The following CFAP69 variants were observed in gnomAD, a reference collection of about 807,000 sequenced individuals.
CFAP69 encodes the protein cilia and flagella associated protein 69.
Under a neutral mutation model 123.0 loss-of-function variants are expected in CFAP69, and 92 were observed. The ratio of observed to expected loss-of-function variants is 0.75; its 90% CI spans 0.63 to 0.89. CFAP69 has a LOEUF of 0.89. Among genes scored for constraint, CFAP69 ranks in the 40% least tolerant of loss-of-function variants. The probability of loss-of-function intolerance (pLI) is 0.00; values close to 1 mark genes in which losing one functional copy is unlikely to be tolerated. For missense variants in CFAP69, 1,067 were observed against 1,096.9 expected (o/e 0.97, Z 0.39); for synonymous variants, 380 against 364.3 (o/e 1.04, Z -0.49).
chr7:90,264,589 A>T (rs557972616), intron 4 of CFAP69, among the ~76,000 whole-genome samples: 1 of 152,266 alleles, frequency 6.6e-6, no homozygotes, highest in Non-Finnish European at 1.5e-5. Flanking sequence ...TTTGTTCCAG[A>T]TTATCCAATG....
chr7:90,288,404 T>C, intron 15 of CFAP69, 52 bp downstream of exon 15: 1 of 1,560,598 alleles, frequency 6.4e-7, no homozygotes, highest in South Asian at 1.2e-5. Flanking sequence ...CATGCATCAC[T>C]TTACAACAGT....
chr7:90,300,029 G>A lies in CFAP69; in HGVS notation c.2020G>A (p.Val674Ile), dbSNP rs1792553207. 1.3e-6 allele frequency: 2 copies of A among 1,598,872 alleles called. No individual in the cohort carries two copies. The highest frequency in any genetic ancestry group is 1.7e-6 in the Non-Finnish European group (2 of 1,173,832). ...GAGAAAGGAGGAAAAAGAACTAGGA[G>A]TAAAACGTGATAAAAATGGGAAGAT... ...LWRKEEKELGVKRDKNGKIID... is the reference protein window; with the variant it reads ...LWRKEEKELGIKRDKNGKIID... Residue 674 changes from valine to isoleucine, a missense_variant, in exon 17 of 23, where the codon GTA becomes ATA. Physicochemically the swap from Val to Ile is conservative, Grantham distance 29. Transcript: ENST00000389297.
At chr7:90,306,119 G>A (rs1019846103) in intron 19 of CFAP69, among the ~76,000 whole-genome samples, 2 of 150,522 alleles carry the variant, frequency 1.3e-5, no homozygotes, top group Non-Finnish European at 3.0e-5. Context: ...TTTATTGGGG[G>A]GGGGCGGGGC....
intron 3 of CFAP69, among the ~76,000 whole-genome samples, chr7:90,258,616 T>A (rs1797935698): frequency 6.6e-6 from 1 of 152,114 alleles, no homozygotes; most frequent in Admixed American, 6.5e-5. Context: ...AAATTCCTAA[T>A]CATATGTGAA....
rs1255463200 is a variant in CFAP69 at position 90,306,947 on chromosome 7, A to T, written c.2312A>T (p.Lys771Ile). ...ATATATGAAGAAATAAAATTAGAAA[A>T]ATTAAGACCAGTCACTACAGATAAA... is the stretch of plus-strand genomic sequence containing the variant. Reference protein sequence around the residue: ...NEIYEEIKLEKLRPVTTDKKA... With the variant: ...NEIYEEIKLEILRPVTTDKKA... The change falls in exon 20 of 23, where the codon AAA becomes ATA. Residue 771 changes from lysine to isoleucine, a missense_variant. Lys to Ile is a moderately radical substitution (Grantham distance 102). Transcript: ENST00000389297. The T allele has an allele frequency of 6.4e-7, 1 of 1,570,980 alleles. No individual in the cohort carries two copies. The highest frequency in any genetic ancestry group is 1.7e-5 in the Admixed American group (1 of 57,200).
At chr7:90,311,994 A>G (rs1434185670), downstream of CFAP69, among the ~76,000 whole-genome samples, 1 of 152,220 alleles carries the variant, frequency 6.6e-6, no homozygotes, top group Admixed American at 6.5e-5. Context: ...TCTTAGGTAC[A>G]CTTGAATTGA....
intron 8 of CFAP69, among the ~76,000 whole-genome samples, chr7:90,273,310 A>G (rs2116938456): frequency 6.6e-6 from 1 of 152,342 alleles, no homozygotes; most frequent in South Asian, 2.1e-4. Context: ...CAATGTTATC[A>G]GGGACCATAA....
chr7:90,304,278 A>T, intron 18 of CFAP69, 172 bp downstream of exon 18: 1 of 1,343,894 alleles, frequency 7.4e-7, no homozygotes, highest in Non-Finnish European at 9.5e-7. Context: ...TTAAATCAGA[A>T]TCTCTGTGTG....
intron 15 of CFAP69, among the ~76,000 whole-genome samples, chr7:90,294,478 A>T (rs1304030224): frequency 6.6e-6 from 1 of 152,180 alleles, no homozygotes; most frequent in Non-Finnish European, 1.5e-5. Flanking sequence ...ATACATTTAA[A>T]TATGGAGACA....
chr7:90,323,258 C>A, the CFAP69 span, among the ~76,000 whole-genome samples: 1 of 151,998 alleles, frequency 6.6e-6, no homozygotes, highest in South Asian at 2.1e-4. Context: ...TAGAATCTGG[C>A]AAAATGATGA....
intron 12 of CFAP69, among the ~76,000 whole-genome samples, chr7:90,282,640 G>T (rs1388486579): frequency 1.3e-5 from 2 of 152,042 alleles, no homozygotes; most frequent in Non-Finnish European, 2.9e-5. Flanking sequence ...AAATAAACAT[G>T]TTGAATAACA....
At position 90,310,889 on chromosome 7, in the gene CFAP69, T is replaced by G. The variant is rs995938788; in HGVS notation, c.*651T>G. ...GGTACTATTATCAGAAGCAAGTATA[T>G]ATGAATATTGGGCAGCAAGATAAAC... On this transcript the variant is annotated 3_prime_UTR_variant, in exon 23 of 23. Transcript: ENST00000389297. The G allele has an allele frequency of 6.6e-6, 1 of 152,158 alleles. No homozygotes were observed. The highest frequency in any genetic ancestry group is 2.4e-5 in the African/African-American group (1 of 41,432). 9.4% of individuals were successfully genotyped at this position (152,158 alleles called of 1,614,324 possible).
At chr7:90,282,188 T>TA (rs58369979) in intron 12 of CFAP69, among the ~76,000 whole-genome samples, 127,210 of 146,802 alleles carry the variant, frequency 0.87, 55,103 homozygotes, top group East Asian at 1. Context: ...CCCCATCTCT[T>TA]AAAAAAAAAA....
intron 12 of CFAP69, among the ~76,000 whole-genome samples, chr7:90,282,275 G>A (rs1158916972): frequency 6.6e-6 from 1 of 151,962 alleles, no homozygotes; most frequent in African/African-American, 2.4e-5. Context: ...CTTGAGCCCA[G>A]GAGATTGAGA....
At chr7:90,316,962 G>A in the CFAP69 span, 1 of 152,070 alleles carries the variant, frequency 6.6e-6, no homozygotes, top group Admixed American at 6.5e-5. Context: ...TTGAACTTTT[G>A]AGCTTCAATC....
intron 1 of CFAP69, among the ~76,000 whole-genome samples, chr7:90,247,543 G>C (rs1489070579): frequency 6.6e-6 from 1 of 152,080 alleles, no homozygotes; most frequent in Non-Finnish European, 1.5e-5. Flanking sequence ...CCATTGTAAA[G>C]ATTAAATTAA....
downstream of CFAP69, among the ~76,000 whole-genome samples, chr7:90,315,265 G>C (rs1443444943): frequency 6.6e-6 from 1 of 152,044 alleles, no homozygotes; most frequent in African/African-American, 2.4e-5. Flanking sequence ...TATATGCTCA[G>C]GGGAATATAA....
chr7:90,273,680 T>C (rs936564582), intron 8 of CFAP69, among the ~76,000 whole-genome samples: 2 of 152,148 alleles, frequency 1.3e-5, no homozygotes, highest in Non-Finnish European at 2.9e-5. Context: ...GAAAGTTATT[T>C]TTCAGTTTGG....
rs749008491 is a variant in CFAP69, at chr7:90,245,375, C to T, written c.-50C>T. 2.1e-6 allele frequency: 3 copies of T among 1,455,688 alleles called. No individual in the cohort carries two copies. The South Asian group carries it at 4.3e-5, about 21-fold the overall frequency. 90.2% of individuals were successfully genotyped at this position (1,455,688 alleles called of 1,614,324 possible). On this transcript the variant is annotated 5_prime_UTR_variant, in exon 1 of 23. Transcript: ENST00000389297. ...TCTTTGGGCCCAGCGGCTGCGGGCG[C>T]ACTGTAGGACAGGAAGATCCCCCCA...
Sources: gnomAD v4.1 joint callset for allele counts (sites outside exome capture counted in the v4.1 genomes callset) on GRCh38, gnomAD v4.1.1 for gene constraint, MANE v1.5 for transcripts, NCBI Gene and HGNC (gene_info 2026-07-23, HGNC 2026-07-21) for gene names.